TRIM44: variants seen among roughly 807,000 people sequenced by gnomAD.
TRIM44 encodes the protein tripartite motif containing 44, also known as tripartite motif-containing protein 44.
A neutral mutation model predicts 37.4 loss-of-function variants in TRIM44; 13 were observed. The observed-to-expected ratio is 0.35, with a 90% confidence interval of 0.23 to 0.55. The LOEUF (loss-of-function observed/expected upper bound fraction) is 0.55. Among genes scored for constraint, TRIM44 ranks in the 20% least tolerant of loss-of-function variants. TRIM44 has a pLI of 0.89. For missense variants in TRIM44, 426 were observed against 437.2 expected (o/e 0.97, Z 0.23); for synonymous variants, 175 against 157.2 (o/e 1.11, Z -0.85).
At position 35,816,640 on chromosome 11, in the gene TRIM44, AAG is replaced by A. The variant is rs1253659336; in HGVS notation, c.*10258_*10259del. On this transcript the variant is annotated 3_prime_UTR_variant, in exon 5 of 5. Transcript: ENST00000299413. ...ACCCTAGTGTTGCATCTTCACAAAA[AAG>A]AGCAATGTGCCGTCTTCTGTCTTTG... 1 of 152,224 alleles carries A rather than the reference AAG, an allele frequency of 6.6e-6. No individual in the cohort carries two copies. Among genetic ancestry groups the A allele is most frequent in the African/African-American group, 2.4e-5 (1 of 41,452 alleles). 9.4% of individuals were successfully genotyped at this position (152,224 alleles called of 1,614,324 possible). A position where few individuals can be genotyped will look rare whatever the true frequency, so the allele number is the denominator to read the frequency against.
intron 2 of TRIM44, among the ~76,000 whole-genome samples, chr11:35,701,595 C>T (rs771676289): frequency 2.6e-5 from 4 of 152,174 alleles, no homozygotes; most frequent in Non-Finnish European, 4.4e-5. Context: ...AAACCACAGT[C>T]ACGTGGTTAC....
chr11:35,792,173 A>G (rs1778110063), intron 4 of TRIM44, among the ~76,000 whole-genome samples: 1 of 151,368 alleles, frequency 6.6e-6, no homozygotes, highest in Admixed American at 6.6e-5. Flanking sequence ...CACTATCTGA[A>G]ATTATTTACG....
intron 2 of TRIM44, among the ~76,000 whole-genome samples, chr11:35,703,214 C>T (rs150715794): frequency 0.079 from 12,087 of 152,232 alleles, 700 homozygotes; most frequent in Non-Finnish European, 0.12. Flanking sequence ...GAGGGGTGCC[C>T]GCCATTGCCC....
rs183585417 is a variant in TRIM44 at position 35,694,932 on chromosome 11, A to G, written c.747+9596A>G. Among the ~76,000 whole-genome samples the G allele has an allele frequency of 3.9e-5, 6 of 152,286 alleles. No homozygotes were observed. The East Asian group carries it at 7.7e-4, about 20-fold the overall frequency. On this transcript the variant is annotated intron_variant, in intron 2 of 4. Coordinates refer to ENST00000299413, the MANE Select transcript of TRIM44 (RefSeq NM_017583.6). ...CCTGGTGAAAATACACTGTAGCATA[A>G]TAACTTAGTGTTATAACATTAGTCC...
intron 4 of TRIM44, among the ~76,000 whole-genome samples, chr11:35,775,975 C>T (rs1430590228): frequency 6.6e-6 from 1 of 152,182 alleles, no homozygotes; most frequent in Non-Finnish European, 1.5e-5. Flanking sequence ...CAGGATGATG[C>T]TGGCCTCATA....
At chr11:35,666,204 A>G (rs754430714) in intron 1 of TRIM44, among the ~76,000 whole-genome samples, 3 of 152,204 alleles carry the variant, frequency 2.0e-5, no homozygotes, top group African/African-American at 7.2e-5. Flanking sequence ...TCAAGTGCCC[A>G]TAATATGTGT....
At chr11:35,792,111 A>ACACACACACACACACACACTCTCT (rs796092540) in intron 4 of TRIM44, among the ~76,000 whole-genome samples, 1,948 of 113,852 alleles carry the variant, frequency 0.017, 32 homozygotes, top group Non-Finnish European at 0.025. Flanking sequence ...ACACACACAC[A>ACACACACACACACACACACTCTCT]CTCTCTCTCA....
chr11:35,703,890 A>T (rs1851834965), intron 2 of TRIM44, among the ~76,000 whole-genome samples: 1 of 152,240 alleles, frequency 6.6e-6, no homozygotes, highest in African/African-American at 2.4e-5. Flanking sequence ...CTCACCAGCA[A>T]CGGAACAAAG....
At chr11:35,678,345 A>G (rs10836435) in intron 1 of TRIM44, among the ~76,000 whole-genome samples, 43,937 of 151,986 alleles carry the variant, frequency 0.29, 6,741 homozygotes, top group Admixed American at 0.41. Flanking sequence ...TATGGCATAT[A>G]TTTTAGAGTT....
chr11:35,800,455 G>A (rs567133811), intron 4 of TRIM44, among the ~76,000 whole-genome samples: 19 of 152,252 alleles, frequency 1.2e-4, no homozygotes, highest in Admixed American at 7.8e-4. Context: ...GCACTGATTC[G>A]TGCATTTTTA....
intron 2 of TRIM44, among the ~76,000 whole-genome samples, chr11:35,690,955 A>G (rs1851630587): frequency 6.6e-6 from 1 of 152,202 alleles, no homozygotes; most frequent in Admixed American, 6.5e-5. Flanking sequence ...ATAGATGTAT[A>G]TATAGCCTGG....
rs78892605 is a variant in TRIM44, at chr11:35,670,873, G to C, written c.669+7093G>C. Among the ~76,000 whole-genome samples the C allele has an allele frequency of 2.6e-5, 4 of 152,296 alleles. No homozygotes were observed. In the South Asian group the frequency reaches 8.3e-4, roughly 32 times the overall value. On this transcript the variant is annotated intron_variant, in intron 1 of 4. Coordinates refer to ENST00000299413, the MANE Select transcript of TRIM44 (RefSeq NM_017583.6). Reference sequence around the variant, plus strand: ...AAAGAGCATGACATTTGCTCTTTTAGGTAGCTAGGGTGAGAAGCTGCTCAT... The same window carrying C: ...AAAGAGCATGACATTTGCTCTTTTACGTAGCTAGGGTGAGAAGCTGCTCAT...
At chr11:35,785,811 G>A (rs940988616) in intron 4 of TRIM44, among the ~76,000 whole-genome samples, 3 of 152,136 alleles carry the variant, frequency 2.0e-5, no homozygotes, top group Non-Finnish European at 2.9e-5. Flanking sequence ...CTCCTAAAAC[G>A]TTCAAGGTTC....
chr11:35,797,424 A>G lies in TRIM44; in HGVS notation c.1008-8934A>G, dbSNP rs1191718290. Among the ~76,000 whole-genome samples the G allele has an allele frequency of 2.6e-5, 4 of 152,218 alleles. No homozygotes were observed. In the South Asian group the frequency reaches 6.2e-4, roughly 24 times the overall value. On this transcript the variant is annotated intron_variant, in intron 4 of 4. Coordinates refer to ENST00000299413, the MANE Select transcript of TRIM44 (RefSeq NM_017583.6). ...GAACGTAACTCCTCACTCTTTAAGT[A>G]TAGGTGGCTCGTAGTGACTTCCTTC...
intron 2 of TRIM44, among the ~76,000 whole-genome samples, chr11:35,704,516 G>A (rs1851845464): frequency 6.6e-6 from 1 of 152,164 alleles, no homozygotes; most frequent in Non-Finnish European, 1.5e-5. Flanking sequence ...AGAGAGAAAG[G>A]TCGGGTTACC....
chr11:35,733,219 A>G (rs191659493), intron 3 of TRIM44, among the ~76,000 whole-genome samples: 21 of 152,316 alleles, frequency 1.4e-4, no homozygotes, highest in African/African-American at 5.1e-4. Flanking sequence ...TTTGGGATTA[A>G]TGAACCAGAA....
chr11:35,742,654 A>T (rs1194661255), intron 4 of TRIM44, among the ~76,000 whole-genome samples: 6 of 131,344 alleles, frequency 4.6e-5, no homozygotes, highest in Non-Finnish European at 7.7e-5. Flanking sequence ...TAATTGTATT[A>T]TATATAATTA....
intron 2 of TRIM44, among the ~76,000 whole-genome samples, chr11:35,686,628 C>T (rs1851585502): frequency 6.6e-6 from 1 of 152,104 alleles, no homozygotes; most frequent in Non-Finnish European, 1.5e-5. Context: ...ATGATCTCGG[C>T]TCAGTGCAAC....
chr11:35,773,627 C>T (rs1456764193), intron 4 of TRIM44, among the ~76,000 whole-genome samples: 1 of 152,174 alleles, frequency 6.6e-6, no homozygotes, highest in African/African-American at 2.4e-5. Context: ...CCCTCTCCCC[C>T]TACCCCACAA....
Sources: allele counts gnomAD v4.1 joint callset (sites outside exome capture counted in the v4.1 genomes callset), GRCh38; gene constraint gnomAD v4.1.1; transcripts MANE v1.5; gene names NCBI Gene and HGNC (gene_info 2026-07-23, HGNC 2026-07-21).